CSMD1: variants seen among roughly 807,000 people sequenced by gnomAD.
CSMD1 encodes the protein CUB and sushi domain-containing protein 1.
A neutral mutation model predicts 417.5 loss-of-function variants in CSMD1; 213 were observed. The ratio of observed to expected loss-of-function variants is 0.51; its 90% CI spans 0.46 to 0.57. The LOEUF (loss-of-function observed/expected upper bound fraction) is 0.57, where lower values mean the gene tolerates loss of function less well. CSMD1 is among the 20% of genes least tolerant of loss of function. CSMD1 has a pLI of 0.00. For synonymous variants in CSMD1, 2,862 were observed against 1,736.8 expected, an observed-to-expected ratio of 1.65 and a Z score of -16.11; for missense variants, 6,923 against 4,529.7, an observed-to-expected ratio of 1.53 and a Z score of -15.17.
chr8:4,779,430 G>A (rs987500987), intron 1 of CSMD1, among the ~76,000 whole-genome samples: 1 of 152,044 alleles, frequency 6.6e-6, no homozygotes, highest in Non-Finnish European at 1.5e-5. Context: ...CTGTGAAAGA[G>A]AAAACTCACC....
intron 1 of CSMD1, among the ~76,000 whole-genome samples, chr8:4,878,669 G>A (rs1469011683): frequency 1.3e-5 from 2 of 151,962 alleles, no homozygotes; most frequent in Non-Finnish European, 2.9e-5. Flanking sequence ...CTTGTGAAAT[G>A]TGTAGGGTCT....
intron 23 of CSMD1, among the ~76,000 whole-genome samples, chr8:3,322,053 A>T (rs574686845): frequency 4.1e-4 from 62 of 152,212 alleles, no homozygotes; most frequent in Non-Finnish European, 7.8e-4. Context: ...TTACATAATA[A>T]ACATTTCCAT....
chr8:3,410,619 G>A (rs1412206898), intron 12 of CSMD1, among the ~76,000 whole-genome samples: 2 of 152,234 alleles, frequency 1.3e-5, no homozygotes, highest in Non-Finnish European at 2.9e-5. Flanking sequence ...CTCCAGCCAT[G>A]TGGAACTGTA....
intron 1 of CSMD1, chr8:4,787,515 T>C: frequency 9.4e-7 from 1 of 1,059,876 alleles, no homozygotes; most frequent in Non-Finnish European, 1.5e-6. Context: ...TTTCAGTTAT[T>C]ATAGGAAGCA....
intron 2 of CSMD1, among the ~76,000 whole-genome samples, chr8:4,622,378 C>T (rs1801833734): frequency 6.6e-6 from 1 of 152,074 alleles, no homozygotes; most frequent in Non-Finnish European, 1.5e-5. Flanking sequence ...CGAGTGCCAG[C>T]TAATGTCTGT....
At chr8:3,109,041 G>C (rs1047518274) in intron 43 of CSMD1, among the ~76,000 whole-genome samples, 1 of 152,186 alleles carries the variant, frequency 6.6e-6, no homozygotes, top group Non-Finnish European at 1.5e-5. Flanking sequence ...AAGGCAGGCA[G>C]ATCACCTGAG....
intron 3 of CSMD1, among the ~76,000 whole-genome samples, chr8:4,205,238 T>A (rs1357649741): frequency 6.6e-6 from 1 of 152,226 alleles, no homozygotes; most frequent in African/African-American, 2.4e-5. Context: ...ATTTCAAATA[T>A]CACCTACATT....
intron 1 of CSMD1, among the ~76,000 whole-genome samples, chr8:4,706,993 G>T (rs1807986795): frequency 6.6e-6 from 1 of 152,160 alleles, no homozygotes; most frequent in Non-Finnish European, 1.5e-5. Context: ...AGTCATGAAG[G>T]ACCTTTCTCT....
chr8:3,713,352 C>T (rs1801635781), intron 6 of CSMD1, among the ~76,000 whole-genome samples: 1 of 152,244 alleles, frequency 6.6e-6, no homozygotes, highest in East Asian at 1.9e-4. Flanking sequence ...ATTCTTATTA[C>T]TGTTTTTAAA....
chr8:3,941,757 T>G (rs1265516963), intron 5 of CSMD1, among the ~76,000 whole-genome samples: 2 of 152,208 alleles, frequency 1.3e-5, no homozygotes, highest in African/African-American at 2.4e-5. Context: ...TAAAACAGCA[T>G]GGACACACAC....
At chr8:3,466,032 A>G (rs1016807785) in intron 12 of CSMD1, among the ~76,000 whole-genome samples, 6 of 152,300 alleles carry the variant, frequency 3.9e-5, no homozygotes, top group Non-Finnish European at 2.9e-5. Flanking sequence ...GCACACTATT[A>G]TTTATATAAT....
chr8:4,787,376 GGGTA>G (rs1797461290), intron 1 of CSMD1: 1 of 732,312 alleles, frequency 1.4e-6, no homozygotes, highest in African/African-American at 1.7e-5. Flanking sequence ...AATTGTATGA[GGGTA>G]AAACAAAAGA....
chr8:4,217,878 G>A (rs181678023), intron 3 of CSMD1, among the ~76,000 whole-genome samples: 1 of 152,176 alleles, frequency 6.6e-6, no homozygotes, highest in Admixed American at 6.5e-5. Context: ...GGAAACATAA[G>A]AGGAGGTGGT....
intron 3 of CSMD1, among the ~76,000 whole-genome samples, chr8:4,135,379 AAAGAGG>A (rs369964388): frequency 0.59 from 76,205 of 129,178 alleles, 22,245 homozygotes; most frequent in East Asian, 0.69. Flanking sequence ...GGAAAGTGGG[AAAGAGG>A]GGGAAGGAAG....
At chr8:3,986,391 G>A (rs564836637) in intron 5 of CSMD1, among the ~76,000 whole-genome samples, 1 of 152,030 alleles carries the variant, frequency 6.6e-6, no homozygotes, top group Admixed American at 6.6e-5. Context: ...CTAACCACAG[G>A]CCCTGGACAT....
At chr8:4,325,247 T>C (rs1008366873) in intron 3 of CSMD1, among the ~76,000 whole-genome samples, 3 of 152,210 alleles carry the variant, frequency 2.0e-5, no homozygotes, top group Non-Finnish European at 4.4e-5. Context: ...AATGTGCGAC[T>C]TTCAAGACCT....
At chr8:3,462,503 G>A (rs1449864243) in intron 12 of CSMD1, among the ~76,000 whole-genome samples, 5 of 152,120 alleles carry the variant, frequency 3.3e-5, no homozygotes, top group South Asian at 2.1e-4. Flanking sequence ...CTGCACATGC[G>A]AGGGATCTAG....
chr8:4,405,620 G>C (rs982878923), intron 3 of CSMD1, among the ~76,000 whole-genome samples: 1 of 152,108 alleles, frequency 6.6e-6, no homozygotes, highest in African/African-American at 2.4e-5. Context: ...AAGAAAAAAA[G>C]AAAAACAAGG....
At chr8:3,401,540 T>C (rs529759335) in intron 15 of CSMD1, among the ~76,000 whole-genome samples, 6 of 152,178 alleles carry the variant, frequency 3.9e-5, no homozygotes, top group East Asian at 1.9e-4. Flanking sequence ...AGTAAGTAAA[T>C]AGTAAGTAAT....
Sources: gnomAD v4.1 joint callset for allele counts (sites outside exome capture counted in the v4.1 genomes callset) on GRCh38, gnomAD v4.1.1 for gene constraint, MANE v1.5 for transcripts, NCBI Gene and HGNC (gene_info 2026-07-23, HGNC 2026-07-21) for gene names.